RAD18: variants seen among roughly 807,000 people sequenced by gnomAD.
The protein encoded by RAD18 is E3 ubiquitin-protein ligase RAD18.
In RAD18, 47 loss-of-function variants were observed where a neutral mutation model predicts 60.4. That is an observed-to-expected ratio of 0.78 (90% CI 0.62 to 0.99). The LOEUF is 0.99. RAD18 is among the 50% of genes least tolerant of loss of function. RAD18 has a pLI of 0.00. For synonymous variants in RAD18, 225 were observed against 195.5 expected (o/e 1.15, Z -1.26); for missense variants, 640 against 593.3 (o/e 1.08, Z -0.82).
At chr3:8,939,329 T>C (rs1940704311) in intron 6 of RAD18, among the ~76,000 whole-genome samples, 1 of 152,164 alleles carries the variant, frequency 6.6e-6, no homozygotes, top group South Asian at 2.1e-4. Flanking sequence ...CAAAATTTAG[T>C]AGCAGTTCAA....
chr3:8,922,769 G>C (rs1383636103), intron 7 of RAD18, among the ~76,000 whole-genome samples: 1 of 152,300 alleles, frequency 6.6e-6, no homozygotes, highest in Non-Finnish European at 1.5e-5. Context: ...AATATTTGCT[G>C]TTCTGCAGCC....
chr3:8,958,717 G>A (rs1941049517), intron 2 of RAD18, among the ~76,000 whole-genome samples: 1 of 152,166 alleles, frequency 6.6e-6, no homozygotes, highest in Admixed American at 6.5e-5. Context: ...AAATATCAAA[G>A]AGGAACGAGG....
intron 7 of RAD18, among the ~76,000 whole-genome samples, chr3:8,921,581 G>A (rs960042768): frequency 4.6e-5 from 7 of 151,952 alleles, no homozygotes; most frequent in East Asian, 1.9e-4. Context: ...CCGAGGCTGC[G>A]GTGAACTATC....
intron 12 of RAD18, among the ~76,000 whole-genome samples, chr3:8,881,778 A>T (rs1315679537): frequency 6.6e-6 from 1 of 152,180 alleles, no homozygotes; most frequent in East Asian, 1.9e-4. Flanking sequence ...AGAAAAAGCC[A>T]GACAGTCTAA....
At position 8,952,918 on chromosome 3, in the gene RAD18, T is replaced by C. The variant is rs137886446; in HGVS notation, c.134-4348A>G. On this transcript the variant is annotated intron_variant, in intron 2 of 12. Coordinates refer to ENST00000264926, the MANE Select transcript of RAD18 (RefSeq NM_020165.4). ...GACTTAACATGGGATTACATCCCGA[T>C]AAACCCATCATAAATTGAAAATATC... Among the ~76,000 whole-genome samples the C allele has an allele frequency of 1.9e-3, 288 of 152,324 alleles. 2 individuals are homozygous for C. The highest frequency in any genetic ancestry group is 6.3e-3 in the African/African-American group (262 of 41,578).
At chr3:8,916,923 T>C (rs1940211025) in intron 7 of RAD18, among the ~76,000 whole-genome samples, 2 of 152,190 alleles carry the variant, frequency 1.3e-5, no homozygotes, top group South Asian at 2.1e-4. Flanking sequence ...GAAGAAATCG[T>C]TGAAGAACTG....
chr3:8,960,213 G>A (rs1208586480), intron 1 of RAD18, among the ~76,000 whole-genome samples: 5 of 152,124 alleles, frequency 3.3e-5, no homozygotes, highest in Non-Finnish European at 5.9e-5. Context: ...AGGCTGAGGC[G>A]GAAGGATTGC....
intron 11 of RAD18, among the ~76,000 whole-genome samples, chr3:8,891,061 G>C (rs1314940547): frequency 1.1e-5 from 1 of 94,930 alleles, no homozygotes; most frequent in African/African-American, 5.7e-5. Context: ...CATGTATAAA[G>C]CATATATATA....
intron 8 of RAD18, among the ~76,000 whole-genome samples, chr3:8,913,337 T>C (rs1400047331): frequency 6.6e-6 from 1 of 152,120 alleles, no homozygotes; most frequent in Non-Finnish European, 1.5e-5. Context: ...TAGAGGTCCT[T>C]AGAGGTAGCT....
At chr3:8,924,342 A>C (rs903335222) in intron 7 of RAD18, among the ~76,000 whole-genome samples, 48 of 148,500 alleles carry the variant, frequency 3.2e-4, no homozygotes, top group Non-Finnish European at 6.4e-4. Context: ...TAAAGGGATC[A>C]ATTCAACAAG....
intron 7 of RAD18, among the ~76,000 whole-genome samples, chr3:8,930,524 G>A (rs1049131263): frequency 6.6e-6 from 1 of 152,102 alleles, no homozygotes; most frequent in African/African-American, 2.4e-5. Flanking sequence ...TGAACTGTAT[G>A]TACACTTCAG....
chr3:8,923,023 G>C (rs1940355811), intron 7 of RAD18, among the ~76,000 whole-genome samples: 1 of 152,164 alleles, frequency 6.6e-6, no homozygotes, highest in Non-Finnish European at 1.5e-5. Context: ...TCCTCCAAAG[G>C]AATGCAGCTC....
chr3:8,941,389 A>G (rs1940743497), intron 5 of RAD18, 78 bp downstream of exon 5: 1 of 1,281,824 alleles, frequency 7.8e-7, no homozygotes, highest in African/African-American at 1.5e-5. Flanking sequence ...CTTCCCCCTC[A>G]AAGATGCTGC....
intron 7 of RAD18, among the ~76,000 whole-genome samples, chr3:8,923,055 C>A (rs966706167): frequency 1.3e-5 from 2 of 152,198 alleles, no homozygotes; most frequent in African/African-American, 4.8e-5. Flanking sequence ...CAGAACACAG[C>A]TGGACAGAGA....
chr3:8,909,471 G>A (rs1283398647), intron 9 of RAD18, among the ~76,000 whole-genome samples: 2 of 151,320 alleles, frequency 1.3e-5, no homozygotes, highest in Non-Finnish European at 2.9e-5. Context: ...GGGATATTTA[G>A]AAGATAGAGA....
intron 11 of RAD18, among the ~76,000 whole-genome samples, chr3:8,892,805 G>A (rs896952783): frequency 1.3e-5 from 2 of 152,052 alleles, no homozygotes; most frequent in African/African-American, 4.8e-5. Flanking sequence ...GACTGGTAAT[G>A]TTAGTTAGAG....
chr3:8,941,895 T>C lies in RAD18; in HGVS notation c.267-91A>G, dbSNP rs1328695686. 10 of 1,200,728 alleles carry C rather than the reference T, an allele frequency of 8.3e-6. No homozygotes were observed. The East Asian group carries it at 2.3e-4, about 28-fold the overall frequency. 74.4% of individuals were successfully genotyped at this position (1,200,728 alleles called of 1,614,324 possible). A position where few individuals can be genotyped will look rare whatever the true frequency, so the allele number is the denominator to read the frequency against. The stretch of plus-strand genomic sequence containing the variant: ...TAAGCTGTTTTCCCAATTAACCTTG[T>C]TTTCTGAAATACAGGACCTATACTA... On this transcript the variant is annotated intron_variant, in intron 4 of 12. Coordinates refer to ENST00000264926, the MANE Select transcript of RAD18 (RefSeq NM_020165.4).
chr3:8,931,100 T>G (rs1940545048), intron 7 of RAD18, among the ~76,000 whole-genome samples: 1 of 152,068 alleles, frequency 6.6e-6, no homozygotes, highest in Non-Finnish European at 1.5e-5. Flanking sequence ...GGCATGTAAC[T>G]TGATTGTGTA....
chr3:8,932,238 A>C (rs1254970344), intron 7 of RAD18, among the ~76,000 whole-genome samples: 2 of 152,202 alleles, frequency 1.3e-5, no homozygotes, highest in African/African-American at 4.8e-5. Flanking sequence ...AGAAAATGAC[A>C]AGGTAAGCCA....
Sources: allele counts gnomAD v4.1 joint callset (sites outside exome capture counted in the v4.1 genomes callset), GRCh38; gene constraint gnomAD v4.1.1; transcripts MANE v1.5; gene names NCBI Gene and HGNC (gene_info 2026-07-23, HGNC 2026-07-21).